The following CACNB1 variants were observed in gnomAD, a reference collection of about 807,000 sequenced individuals.
CACNB1 encodes calcium voltage-gated channel auxiliary subunit beta 1, also known as voltage-dependent L-type calcium channel subunit beta-1.
Under a neutral mutation model 71.6 loss-of-function variants are expected in CACNB1, and 29 were observed. The observed-to-expected ratio is 0.40, with a 90% CI of 0.30 to 0.55. CACNB1 has a LOEUF of 0.55. Among genes scored for constraint, CACNB1 ranks in the 20% least tolerant of loss-of-function variants. CACNB1 has a pLI of 0.38. For missense variants in CACNB1, 623 were observed against 801.8 expected, an observed-to-expected ratio of 0.78 and a Z score of 2.69; for synonymous variants, 300 against 319.6, an observed-to-expected ratio of 0.94 and a Z score of 0.65.
At position 39,186,783 on chromosome 17, in the gene CACNB1, A is replaced by C. The variant is rs775468668; in HGVS notation, c.551+10T>G. Reference sequence around the variant, plus strand: ...TGGCAGCATCCCCTTCCCCTGCCCCACCCAGACACCTGGAGCCGAGGCGGT... The same window carrying C: ...TGGCAGCATCCCCTTCCCCTGCCCCCCCCAGACACCTGGAGCCGAGGCGGT... On this transcript the variant is annotated intron_variant, in intron 5 of 13. Transcript: ENST00000394303. The surrounding 1 kb of genome is among the most constrained non-coding windows in gnomAD (Gnocchi z 4.1). 21 of 1,613,356 alleles carry C rather than the reference A, an allele frequency of 1.3e-5. No individual in the cohort carries two copies. The highest frequency in any genetic ancestry group is 1.8e-5 in the Non-Finnish European group (21 of 1,179,850).
At chr17:39,183,058 G>A (rs758772356) in intron 11 of CACNB1, 8 of 549,208 alleles carry the variant, frequency 1.5e-5, no homozygotes, top group Middle Eastern at 9.2e-4. Flanking sequence ...AAAGTAAGGC[G>A]GCCTTCCTAC....
Position 39,187,519 on chromosome 17 carries a change from G to A in CACNB1, c.374C>T (p.Ala125Val), listed in dbSNP as rs1233287008. 2 of 1,614,066 alleles carry A rather than the reference G, an allele frequency of 1.2e-6. No individual in the cohort carries two copies. Among genetic ancestry groups the A allele is most frequent in the Non-Finnish European group, 1.7e-6 (2 of 1,179,990 alleles). The change falls in exon 4 of 14, where the codon GCC (alanine) becomes GTC (valine). Residue 125 changes from alanine (A) to valine (V), a missense_variant. Coordinates refer to ENST00000394303, the MANE Select transcript of CACNB1 (RefSeq NM_000723.5). ...PGDEVPVQGVAITFEPKDFLH... is the reference protein window; with the variant it reads ...PGDEVPVQGVVITFEPKDFLH... ...GAAGTCTTTGGGCTCGAAGGTGATG[G>A]CCACTCCCTGCACAGGCACCTCATC...
chr17:39,175,256 A>G lies in CACNB1; in HGVS notation c.1734T>C (p.Gly578=), dbSNP rs767402298. The change falls in exon 14 of 14, where the codon GGT becomes GGC. Residue 578 remains glycine (G), a synonymous_variant. Transcript: ENST00000394303. This position sits in a 1 kb window ranked among gnomAD's most constrained non-coding sequence, Gnocchi z 4.7. ...NKARYCAEGG[G]PVLGRNKNEL... ...CATTCTTGTTGCGCCCCAAAACTGG[A>G]CCCCCACCCTCAGCGCAGTAGCGGG... 3 of 1,613,554 alleles carry G rather than the reference A, an allele frequency of 1.9e-6. No individual in the cohort carries two copies. Among genetic ancestry groups the G allele is most frequent in the Non-Finnish European group, 2.5e-6 (3 of 1,179,876 alleles).
At chr17:39,187,356 T>C in intron 4 of CACNB1, 123 bp downstream of exon 4, 1 of 1,097,254 alleles carries the variant, frequency 9.1e-7, no homozygotes, top group African/African-American at 1.6e-5. Flanking sequence ...GGTGGAGAGA[T>C]TTGTCTAAGG....
At chr17:39,196,635 A>G (rs1036396505) in intron 1 of CACNB1, among the ~76,000 whole-genome samples, 7 of 152,068 alleles carry the variant, frequency 4.6e-5, no homozygotes, top group African/African-American at 1.7e-4. Flanking sequence ...CACCGCGCCC[A>G]AGAATGCCAC....
chr17:39,177,787 T>C (rs1333139453), intron 12 of CACNB1, among the ~76,000 whole-genome samples, 197 bp downstream of exon 12: 1 of 152,122 alleles, frequency 6.6e-6, no homozygotes, highest in Non-Finnish European at 1.5e-5. Flanking sequence ...GGCTTGACTC[T>C]CCACGCAGAA....
rs780143759 is a variant in CACNB1, at chr17:39,186,967, G to A, written c.415-38C>T. Reference sequence around the variant, plus strand: ...TGGCAGGTGGGTGGAAAGAGCAAGAGGGAAACTGCAGGGGCAAGCTAGCAG... The same window carrying A: ...TGGCAGGTGGGTGGAAAGAGCAAGAAGGAAACTGCAGGGGCAAGCTAGCAG... On this transcript the variant is annotated intron_variant, in intron 4 of 13. Transcript: ENST00000394303. This position sits in a 1 kb window ranked among gnomAD's most constrained non-coding sequence, Gnocchi z 4.1. The A allele has an allele frequency of 1.2e-5, 19 of 1,608,210 alleles. No homozygotes were observed. Among genetic ancestry groups the A allele is most frequent in the Non-Finnish European group, 1.5e-5 (18 of 1,175,332 alleles).
intron 1 of CACNB1, chr17:39,195,374 C>A (rs547594429): frequency 1.8e-4 from 30 of 169,474 alleles, no homozygotes; most frequent in Non-Finnish European, 2.7e-4. Context: ...GTGGGGAGAG[C>A]GGGAAAGTCA....
In CACNB1 at chr17:39,185,131, C is replaced by G. The variant is rs777039909; in HGVS notation, c.648G>C (p.Ser216=). Residue 216 remains serine, a splice_region_variant and synonymous_variant, in exon 7 of 14, where the codon TCG becomes TCC. Coordinates refer to ENST00000394303, the MANE Select transcript of CACNB1 (RefSeq NM_000723.5). ...PPASAKQKQK[S]TEHVPPYDVV... ...GGACACAGAAAGCTGTGATACTCACCGACTTCTGCTTCTGTTTGGCTGGGT... is the reference window on the plus strand; with the variant it reads ...GGACACAGAAAGCTGTGATACTCACGGACTTCTGCTTCTGTTTGGCTGGGT... 6.2e-7 allele frequency: 1 copy of G among 1,613,760 alleles called. No homozygotes were observed. Among genetic ancestry groups the G allele is most frequent in the South Asian group, 1.1e-5 (1 of 91,066 alleles).
intron 1 of CACNB1, among the ~76,000 whole-genome samples, chr17:39,195,863 C>T (rs1297769287): frequency 1.3e-5 from 2 of 152,186 alleles, no homozygotes; most frequent in Non-Finnish European, 2.9e-5. Flanking sequence ...CACAGCCCCA[C>T]AGATCTCTAG....
Position 39,183,705 on chromosome 17 carries a change from G to A in CACNB1, c.1050+8C>T. 1 of 1,587,122 alleles carries A rather than the reference G, an allele frequency of 6.3e-7. No individual in the cohort carries two copies. Among genetic ancestry groups the A allele is most frequent in the Non-Finnish European group, 8.6e-7 (1 of 1,165,494 alleles). On this transcript the variant is annotated splice_region_variant and intron_variant, in intron 11 of 13. Coordinates refer to ENST00000394303, the MANE Select transcript of CACNB1 (RefSeq NM_000723.5). Reference sequence around the variant, plus strand: ...CTGTCCTGGCCAGGGTCAGGCTCCTGCACCCACCTTGGGAGAGGTGATCTT... The same window carrying A: ...CTGTCCTGGCCAGGGTCAGGCTCCTACACCCACCTTGGGAGAGGTGATCTT...
chr17:39,194,267 AG>A lies in CACNB1; in HGVS notation c.171+616del, dbSNP rs2046156542. On this transcript the variant is annotated intron_variant, in intron 2 of 13. Coordinates refer to ENST00000394303, the MANE Select transcript of CACNB1 (RefSeq NM_000723.5). The surrounding 1 kb of genome is among the most constrained non-coding windows in gnomAD (Gnocchi z 4.6). The stretch of plus-strand genomic sequence containing the variant: ...GAGCAGCCGCTTACTGACTGAGCAC[AG>A]AAGACCCCAGAAAGCTATTCTCAGT... 6.6e-6 allele frequency among the ~76,000 whole-genome samples: 1 copy of A among 152,150 alleles called. No individual in the cohort carries two copies. The highest frequency in any genetic ancestry group is 6.5e-5 in the Admixed American group (1 of 15,276).
chr17:39,190,006 T>G (rs1439984348), intron 3 of CACNB1, among the ~76,000 whole-genome samples: 2 of 151,650 alleles, frequency 1.3e-5, no homozygotes, highest in Non-Finnish European at 2.9e-5. Context: ...TCCCAGCTAC[T>G]TGGGAGGCTG....
In CACNB1 at chr17:39,175,295, C is replaced by T. The variant is rs1365340852; in HGVS notation, c.1695G>A (p.Arg565=). The T allele has an allele frequency of 6.2e-7, 1 of 1,614,182 alleles. No homozygotes were observed. Among genetic ancestry groups the T allele is most frequent in the East Asian group, 2.2e-5 (1 of 44,884 alleles). ...CGCAGTAGCGGGCCTTATTCCGGCC[C>T]CGGTTCCGGTTGTCGGTCAGCTCTT... ...YEEELTDNRN[R]GRNKARYCAE... Residue 565 remains arginine (R), a synonymous_variant, in exon 14 of 14, where the codon CGG becomes CGA. Coordinates refer to ENST00000394303, the MANE Select transcript of CACNB1 (RefSeq NM_000723.5). The surrounding 1 kb of genome is among the most constrained non-coding windows in gnomAD (Gnocchi z 4.7).
intron 11 of CACNB1, among the ~76,000 whole-genome samples, chr17:39,181,733 T>C (rs1279591621): frequency 6.6e-6 from 1 of 152,160 alleles, no homozygotes; most frequent in Non-Finnish European, 1.5e-5. Flanking sequence ...AAAGGTTAAG[T>C]AGGCTGGGCG....
chr17:39,184,389 G>A lies in CACNB1; in HGVS notation c.730-6C>T, dbSNP rs1378086709. 1 of 1,509,506 alleles carries A rather than the reference G, an allele frequency of 6.6e-7. No homozygotes were observed. Among genetic ancestry groups the A allele is most frequent in the African/African-American group, 1.4e-5 (1 of 72,454 alleles). 93.5% of individuals were successfully genotyped at this position (1,509,506 alleles called of 1,614,324 possible). ...TTCTGCATCATGTCTGTAACCTGGG[G>A]GTGGGGGTTTGTGGGGAGGGAGGGA... On this transcript the variant is annotated splice_polypyrimidine_tract_variant and splice_region_variant and intron_variant, in intron 8 of 13. Coordinates refer to ENST00000394303, the MANE Select transcript of CACNB1 (RefSeq NM_000723.5).
chr17:39,197,457 T>C lies in CACNB1; in HGVS notation c.39A>G (p.Pro13=). The change falls in exon 1 of 14, where the codon CCA becomes CCG. Residue 13 remains proline, a synonymous_variant. Transcript: ENST00000394303. Reference sequence around the variant, plus strand: ...CCTCCATGGGGATCTCCTGGGAGGGTGGGTAAGGGCCCCGGGACATGCTGG... The same window carrying C: ...CCTCCATGGGGATCTCCTGGGAGGGCGGGTAAGGGCCCCGGGACATGCTGG... The part of the protein sequence containing the change: ...QKTSMSRGPY[P]PSQEIPMEVF... 1.3e-6 allele frequency: 2 copies of C among 1,483,530 alleles called. No individual in the cohort carries two copies. The highest frequency in any genetic ancestry group is 2.9e-5 in the East Asian group (1 of 34,506). 91.9% of individuals were successfully genotyped at this position (1,483,530 alleles called of 1,614,324 possible). A position where few individuals can be genotyped will look rare whatever the true frequency, so the allele number is the denominator to read the frequency against.
intron 3 of CACNB1, among the ~76,000 whole-genome samples, chr17:39,189,971 C>T (rs1402514359): frequency 1.3e-5 from 2 of 150,958 alleles, no homozygotes; most frequent in East Asian, 2.0e-4. Flanking sequence ...AAAAATTAGC[C>T]GGGCATGGTG....
Position 39,197,284 on chromosome 17 carries a change from G to A in CACNB1, c.84+128C>T, listed in dbSNP as rs2046221207. On this transcript the variant is annotated intron_variant, in intron 1 of 13. Coordinates refer to ENST00000394303, the MANE Select transcript of CACNB1 (RefSeq NM_000723.5). ...CAATCACAACCTGCAAGGATGGGGG[G>A]CGCGCAGGCATCCCTCTCTCCTCCG... The A allele has an allele frequency of 9.3e-6, 5 of 539,750 alleles. No individual in the cohort carries two copies. In the South Asian group the frequency reaches 1.2e-4, roughly 13 times the overall value. The allele number at this position is 539,750 out of a possible 1,614,324, so 33.4% of individuals were successfully genotyped here.
Sources: allele counts gnomAD v4.1 joint callset (sites outside exome capture counted in the v4.1 genomes callset), GRCh38; gene constraint gnomAD v4.1.1; non-coding constraint Gnocchi (gnomAD v3.1); transcripts MANE v1.5; gene names NCBI Gene and HGNC (gene_info 2026-07-23, HGNC 2026-07-21).